NEGR1: variants seen among roughly 807,000 people sequenced by gnomAD.
NEGR1 encodes the protein IgLON family member 4.
Under a neutral mutation model 40.9 loss-of-function variants are expected in NEGR1, and 10 were observed. That is an observed-to-expected ratio of 0.24 (90% CI 0.15 to 0.42). The LOEUF is 0.42. NEGR1 is among the 10% of genes least tolerant of loss of function. The probability of loss-of-function intolerance (pLI) is 1.00; values close to 1 mark genes in which losing one functional copy is unlikely to be tolerated. For missense variants in NEGR1, 352 were observed against 438.9 expected (o/e 0.80, Z 1.77); for synonymous variants, 185 against 166.8 (o/e 1.11, Z -0.84).
chr1:71,706,533 C>T (rs1188073886), intron 3 of NEGR1, among the ~76,000 whole-genome samples: 1 of 150,230 alleles, frequency 6.7e-6, no homozygotes, highest in Non-Finnish European at 1.5e-5. Flanking sequence ...ATCCCCATTC[C>T]CCTAACCCCA....
At chr1:72,270,484 A>G (rs1159664515) in intron 1 of NEGR1, among the ~76,000 whole-genome samples, 1 of 151,908 alleles carries the variant, frequency 6.6e-6, no homozygotes, top group African/African-American at 2.4e-5. Context: ...CCATAAGAAC[A>G]TATCTAATCC....
intron 1 of NEGR1, among the ~76,000 whole-genome samples, chr1:72,078,024 G>GATGCATA (rs1455356904): frequency 6.6e-6 from 1 of 152,140 alleles, no homozygotes; most frequent in Non-Finnish European, 1.5e-5. Context: ...CTGCTGAAAA[G>GATGCATA]ATGCATATTC....
rs1397184275 is a variant in NEGR1, at chr1:71,490,497, G to GATAT, written c.941-82931_941-82928dup. Among the ~76,000 whole-genome samples, 3 of 152,076 alleles carry GATAT rather than the reference G, an allele frequency of 2.0e-5. No homozygotes were observed. In the East Asian group the frequency reaches 5.8e-4, roughly 29 times the overall value. ...ACATTGATAGACATATAATGTAGCA[G>GATAT]ATATATTCTTCCTTGCTGGCAGAAT... On this transcript the variant is annotated intron_variant, in intron 6 of 6. Coordinates refer to ENST00000357731, the MANE Select transcript of NEGR1 (RefSeq NM_173808.3).
intron 1 of NEGR1, among the ~76,000 whole-genome samples, chr1:72,055,148 C>T (rs1036370572): frequency 5.3e-5 from 8 of 150,986 alleles, no homozygotes; most frequent in African/African-American, 1.5e-4. Context: ...AATACTGATG[C>T]CAAATACTAT....
chr1:71,686,182 A>C (rs1360443958), intron 4 of NEGR1, among the ~76,000 whole-genome samples: 1 of 152,140 alleles, frequency 6.6e-6, no homozygotes, highest in Non-Finnish European at 1.5e-5. Flanking sequence ...TTTTGAAGTA[A>C]GATGTGATGC....
intron 1 of NEGR1, among the ~76,000 whole-genome samples, chr1:72,153,362 T>C (rs538808585): frequency 6.6e-6 from 1 of 151,872 alleles, no homozygotes; most frequent in Non-Finnish European, 1.5e-5. Flanking sequence ...CTATTTAGAA[T>C]GCAAAGTCTA....
chr1:72,161,882 G>T (rs1259615266), intron 1 of NEGR1, among the ~76,000 whole-genome samples: 1 of 150,992 alleles, frequency 6.6e-6, no homozygotes, highest in Non-Finnish European at 1.5e-5. Flanking sequence ...ATGGAGATGG[G>T]TTTTCACTGT....
At chr1:71,738,820 G>A (rs192099347) in intron 3 of NEGR1, among the ~76,000 whole-genome samples, 6 of 152,050 alleles carry the variant, frequency 3.9e-5, no homozygotes, top group Admixed American at 2.6e-4. Context: ...GCCTTCCTAG[G>A]GATGCACGAG....
chr1:71,404,388 A>G lies in NEGR1; in HGVS notation c.*3058T>C, dbSNP rs1220767512. 1.3e-5 allele frequency: 2 copies of G among 152,142 alleles called. No homozygotes were observed. Among genetic ancestry groups the G allele is most frequent in the Non-Finnish European group, 3.0e-5 (2 of 67,720 alleles). 9.4% of individuals were successfully genotyped at this position (152,142 alleles called of 1,614,324 possible). On this transcript the variant is annotated 3_prime_UTR_variant, in exon 7 of 7. Transcript: ENST00000357731. ...ACTTTTTATTATATAATTGCTGCAT[A>G]ATAGGAACTTAATGGTATAATAGGA...
intron 6 of NEGR1, among the ~76,000 whole-genome samples, chr1:71,569,991 T>TC (rs5775072): frequency 0.63 from 96,170 of 151,920 alleles, 30,938 homozygotes; most frequent in Middle Eastern, 0.68. Flanking sequence ...TAGCTTCATT[T>TC]TGCCACTAAC....
intron 1 of NEGR1, among the ~76,000 whole-genome samples, chr1:72,124,279 G>A (rs1260719366): frequency 6.6e-6 from 1 of 151,896 alleles, no homozygotes; most frequent in African/African-American, 2.4e-5. Context: ...TGCCTTCTAT[G>A]CTAACTTCAG....
chr1:71,847,565 G>A (rs980744895), intron 2 of NEGR1, among the ~76,000 whole-genome samples: 6 of 152,068 alleles, frequency 3.9e-5, no homozygotes, highest in South Asian at 4.1e-4. Context: ...TTGTTTTGGG[G>A]CACCAAAAGC....
chr1:72,115,174 T>A (rs1649534180), intron 1 of NEGR1, among the ~76,000 whole-genome samples: 1 of 151,272 alleles, frequency 6.6e-6, no homozygotes, highest in South Asian at 2.1e-4. Flanking sequence ...CCTAAGAAGC[T>A]GTGAAAAATG....
intron 4 of NEGR1, among the ~76,000 whole-genome samples, chr1:71,664,614 A>T (rs867034706): frequency 6.6e-6 from 1 of 152,216 alleles, no homozygotes. Context: ...AATAATATTA[A>T]ATCAATTAAA....
chr1:71,435,352 G>A (rs369924361), intron 6 of NEGR1, among the ~76,000 whole-genome samples: 6 of 152,188 alleles, frequency 3.9e-5, no homozygotes, highest in African/African-American at 1.4e-4. Context: ...TGCCAGCAAA[G>A]GGTGGTTTGA....
chr1:71,521,159 G>A (rs537977484), intron 6 of NEGR1, among the ~76,000 whole-genome samples: 3 of 152,046 alleles, frequency 2.0e-5, no homozygotes, highest in African/African-American at 7.2e-5. Flanking sequence ...TCATTCTAAA[G>A]TCCTAGATTC....
intron 1 of NEGR1, among the ~76,000 whole-genome samples, chr1:72,126,751 T>A (rs1202167583): frequency 6.6e-6 from 1 of 152,194 alleles, no homozygotes; most frequent in Non-Finnish European, 1.5e-5. Context: ...GAGAACTTTA[T>A]TATTCATTGC....
chr1:72,105,279 T>C (rs187934891), intron 1 of NEGR1, among the ~76,000 whole-genome samples: 7 of 152,250 alleles, frequency 4.6e-5, no homozygotes, highest in Non-Finnish European at 8.8e-5. Context: ...GATGCAGATA[T>C]ACATGAATTT....
intron 1 of NEGR1, among the ~76,000 whole-genome samples, chr1:71,993,362 C>A (rs954504861): frequency 1.3e-5 from 2 of 152,160 alleles, no homozygotes; most frequent in African/African-American, 4.8e-5. Flanking sequence ...CAACTTTTAG[C>A]TGGAGTTAGC....
Sources: gnomAD v4.1 joint callset for allele counts (sites outside exome capture counted in the v4.1 genomes callset) on GRCh38, gnomAD v4.1.1 for gene constraint, MANE v1.5 for transcripts, NCBI Gene and HGNC (gene_info 2026-07-23, HGNC 2026-07-21) for gene names.